Variants in PRDM16 observed in about 807,000 individuals in gnomAD.
The protein encoded by PRDM16 is PR/SET domain 16, also known as histone-lysine N-methyltransferase PRDM16.
PRDM16 carries 23 observed loss-of-function variants against 110.6 expected under a neutral mutation model. The ratio of observed to expected loss-of-function variants is 0.21; its 90% CI spans 0.15 to 0.29. PRDM16 has a LOEUF of 0.29. Among genes scored for constraint, PRDM16 ranks in the 10% least tolerant of loss-of-function variants. The pLI, the probability that PRDM16 is intolerant of heterozygous loss-of-function variation, is 1.00. For synonymous variants in PRDM16, 799 were observed against 781.8 expected, an observed-to-expected ratio of 1.02 and a Z score of -0.37; for missense variants, 1,615 against 1,794.3, an observed-to-expected ratio of 0.90 and a Z score of 1.81.
At chr1:3,405,084 G>A (rs552492639) in intron 7 of PRDM16, among the ~76,000 whole-genome samples, 198 bp downstream of exon 7, 37 of 152,238 alleles carry the variant, frequency 2.4e-4, no homozygotes, top group Admixed American at 1.6e-3. Context: ...GTGTCCCCCA[G>A]GTCAGAAGGA....
At chr1:3,162,271 CTCCCGAG>C (rs1643904993) in intron 1 of PRDM16, among the ~76,000 whole-genome samples, 1 of 152,184 alleles carries the variant, frequency 6.6e-6, no homozygotes, top group South Asian at 2.1e-4. Context: ...TGCGTCCCTC[CTCCCGAG>C]TCCCGGGACT....
rs950447913 is a variant in PRDM16, at chr1:3,353,327, C to T, written c.439-31825C>T. ...CCTGGGTCCCTGCAGAAACCTGGCT[C>T]GGCCTGGGGGCTATGGCAGGGCCCT... On this transcript the variant is annotated intron_variant, in intron 3 of 16. Transcript: ENST00000270722. This position sits in a 1 kb window ranked among gnomAD's most constrained non-coding sequence, Gnocchi z 5.4. Among the ~76,000 whole-genome samples the T allele has an allele frequency of 5.3e-5, 8 of 152,216 alleles. No individual in the cohort carries two copies. Among genetic ancestry groups the T allele is most frequent in the Admixed American group, 1.3e-4 (2 of 15,288 alleles).
At chr1:3,144,914 C>A (rs1183251351) in intron 1 of PRDM16, among the ~76,000 whole-genome samples, 1 of 152,210 alleles carries the variant, frequency 6.6e-6, no homozygotes, top group Non-Finnish European at 1.5e-5. Flanking sequence ...GAGGTCCTCA[C>A]TCTCTCCTCC....
At chr1:3,299,890 G>A (rs1462430964) in intron 3 of PRDM16, among the ~76,000 whole-genome samples, 5 of 78,250 alleles carry the variant, frequency 6.4e-5, no homozygotes, top group Admixed American at 3.4e-4. Flanking sequence ...TGCCCTGGTT[G>A]AAGATGCCGT....
In PRDM16 at chr1:3,411,784, A is replaced by C; in HGVS notation, c.1587A>C (p.Leu529=). The change falls in exon 9 of 17, where the codon CTA becomes CTC. Residue 529 remains leucine (L), a synonymous_variant. Coordinates refer to ENST00000270722, the MANE Select transcript of PRDM16 (RefSeq NM_022114.4). ...PPSLYPRPPL[L]PPTSLLKSPL... ...CCTTGTACCCCCGGCCGCCTCTGCTACCTCCCACATCGCTGCTCAAGAGCC... is the reference window on the plus strand; with the variant it reads ...CCTTGTACCCCCGGCCGCCTCTGCTCCCTCCCACATCGCTGCTCAAGAGCC... 6.2e-7 allele frequency: 1 copy of C among 1,610,968 alleles called. No individual in the cohort carries two copies.
chr1:3,342,584 C>T (rs1333942996), intron 3 of PRDM16, among the ~76,000 whole-genome samples: 1 of 152,244 alleles, frequency 6.6e-6, no homozygotes, highest in Non-Finnish European at 1.5e-5. Context: ...CTTTGACACA[C>T]GTAGCCACCA....
At chr1:3,200,188 G>T (rs960937490) in intron 2 of PRDM16, among the ~76,000 whole-genome samples, 1 of 152,208 alleles carries the variant, frequency 6.6e-6, no homozygotes, top group Non-Finnish European at 1.5e-5. Context: ...CCTCACAGCC[G>T]CTGAGTCAAG....
intron 3 of PRDM16, chr1:3,307,899 G>C (rs1355722551): frequency 6.6e-6 from 1 of 152,150 alleles, no homozygotes; most frequent in Non-Finnish European, 1.5e-5. Flanking sequence ...TGTGAGAGTT[G>C]GTAAAGGAAA....
At chr1:3,197,951 T>C (rs949997759) in intron 2 of PRDM16, among the ~76,000 whole-genome samples, 6 of 152,204 alleles carry the variant, frequency 3.9e-5, no homozygotes, top group Non-Finnish European at 8.8e-5. Context: ...GAGCTTCTCC[T>C]GTGGCAGGAA....
chr1:3,343,177 C>T (rs1642303381), intron 3 of PRDM16, among the ~76,000 whole-genome samples: 1 of 150,334 alleles, frequency 6.7e-6, no homozygotes, highest in African/African-American at 2.5e-5. Context: ...CAGTCTTTTA[C>T]ATTATAACCG....
chr1:3,296,457 CG>C (rs1641091592), intron 3 of PRDM16, among the ~76,000 whole-genome samples: 1 of 152,246 alleles, frequency 6.6e-6, no homozygotes, highest in African/African-American at 2.4e-5. Flanking sequence ...CCTGGCCTTC[CG>C]GAGCCTGTCA....
intron 16 of PRDM16, among the ~76,000 whole-genome samples, chr1:3,433,441 A>G (rs1335735326): frequency 9.9e-5 from 15 of 151,908 alleles, no homozygotes; most frequent in Non-Finnish European, 1.5e-4. Flanking sequence ...TCCTGCCCAC[A>G]CACTCACCTG....
At position 3,353,510 on chromosome 1, in the gene PRDM16, G is replaced by T. The variant is rs1048718442; in HGVS notation, c.439-31642G>T. Among the ~76,000 whole-genome samples, 3 of 152,212 alleles carry T rather than the reference G, an allele frequency of 2.0e-5. No individual in the cohort carries two copies. The highest frequency in any genetic ancestry group is 2.0e-4 in the Admixed American group (3 of 15,290). ...TCTGGCAGGCACCTGGGCCATGGGAGCCCAAGGGTGGCTCCCTCGGGCCAC... is the reference window on the plus strand; with the variant it reads ...TCTGGCAGGCACCTGGGCCATGGGATCCCAAGGGTGGCTCCCTCGGGCCAC... On this transcript the variant is annotated intron_variant, in intron 3 of 16. Coordinates refer to ENST00000270722, the MANE Select transcript of PRDM16 (RefSeq NM_022114.4). This position sits in a 1 kb window ranked among gnomAD's most constrained non-coding sequence, Gnocchi z 5.4.
At chr1:3,333,295 C>T (rs539021639) in intron 3 of PRDM16, among the ~76,000 whole-genome samples, 30 of 152,224 alleles carry the variant, frequency 2.0e-4, no homozygotes, top group Admixed American at 8.5e-4. Context: ...ACCCCCTTGG[C>T]GTGGCAGGGG....
chr1:3,181,881 CACACGCAGTCTT>C (rs1351302827), intron 1 of PRDM16, among the ~76,000 whole-genome samples: 1 of 93,150 alleles, frequency 1.1e-5, no homozygotes, highest in Non-Finnish European at 2.5e-5. Context: ...CACGGTCTTG[CACACGCAGTCTT>C]ACACACGGTC....
At chr1:3,416,129 C>T (rs538044227) in intron 10 of PRDM16, among the ~76,000 whole-genome samples, 4 of 152,336 alleles carry the variant, frequency 2.6e-5, no homozygotes, top group East Asian at 3.9e-4. Flanking sequence ...TGGACGGACA[C>T]GAGTTTCTAC....
intron 3 of PRDM16, among the ~76,000 whole-genome samples, chr1:3,354,140 A>G (rs1026331071): frequency 1.3e-5 from 2 of 152,222 alleles, no homozygotes; most frequent in African/African-American, 2.4e-5. Context: ...TCTGGACTGC[A>G]GAGCATTTGA....
chr1:3,242,788 G>A (rs1055710313), intron 2 of PRDM16, among the ~76,000 whole-genome samples: 2 of 152,256 alleles, frequency 1.3e-5, no homozygotes, highest in African/African-American at 4.8e-5. Context: ...AAGGGGAGGG[G>A]AAAGAAAATC....
At chr1:3,328,641 CA>C (rs1641973870) in intron 3 of PRDM16, among the ~76,000 whole-genome samples, 1 of 152,140 alleles carries the variant, frequency 6.6e-6, no homozygotes, top group Non-Finnish European at 1.5e-5. Context: ...GAGGCCTGAA[CA>C]GATGCTTTCG....
Sources: gnomAD v4.1 joint callset for allele counts (sites outside exome capture counted in the v4.1 genomes callset) on GRCh38, gnomAD v4.1.1 for gene constraint, Gnocchi (gnomAD v3.1) non-coding constraint, MANE v1.5 for transcripts, NCBI Gene and HGNC (gene_info 2026-07-23, HGNC 2026-07-21) for gene names.